Variants in A4GALT observed in about 807,000 individuals in gnomAD.
A4GALT encodes the protein alpha 1,4-galactosyltransferase (P1PK blood group), also known as lactosylceramide 4-alpha-galactosyltransferase.
For missense variants in A4GALT, 512 were observed against 486.0 expected (o/e 1.05, Z -0.50); for synonymous variants, 257 against 220.7 (o/e 1.16, Z -1.46).
At chr22:42,712,025 T>G (rs974185478) in intron 1 of A4GALT, among the ~76,000 whole-genome samples, 4 of 152,208 alleles carry the variant, frequency 2.6e-5, no homozygotes, top group African/African-American at 9.6e-5. Flanking sequence ...CTTTGCAAAC[T>G]ATAAACTCTA....
At chr22:42,712,978 G>A (rs921164431) in intron 1 of A4GALT, among the ~76,000 whole-genome samples, 2 of 152,176 alleles carry the variant, frequency 1.3e-5, no homozygotes, top group African/African-American at 4.8e-5. Flanking sequence ...CACCTACTGC[G>A]TGTTCTTGTC....
chr22:42,712,661 C>T (rs1921798071), intron 1 of A4GALT, among the ~76,000 whole-genome samples: 1 of 151,958 alleles, frequency 6.6e-6, no homozygotes, highest in Non-Finnish European at 1.5e-5. Context: ...GTAATCCCAG[C>T]ACTTTGAGAG....
At chr22:42,704,312 C>T (rs1185944546) in intron 1 of A4GALT, among the ~76,000 whole-genome samples, 2 of 151,892 alleles carry the variant, frequency 1.3e-5, no homozygotes, top group Admixed American at 1.3e-4. Context: ...GAAACCCCAT[C>T]TCTACTAAAA....
intron 1 of A4GALT, among the ~76,000 whole-genome samples, chr22:42,712,832 C>T (rs1175502668): frequency 1.3e-5 from 2 of 152,130 alleles, no homozygotes; most frequent in East Asian, 3.9e-4. Context: ...TTGCTTGAAC[C>T]CAGGAGGCAG....
chr22:42,709,067 A>ATATATATATTTTTTTTTT (rs1180529043), intron 1 of A4GALT, among the ~76,000 whole-genome samples: 30 of 128,834 alleles, frequency 2.3e-4, no homozygotes, highest in South Asian at 5.2e-4. Context: ...ATATATATAT[A>ATATATATATTTTTTTTTT]TTTTTTTTAA....
At chr22:42,708,348 A>AGC (rs1289275868) in intron 1 of A4GALT, among the ~76,000 whole-genome samples, 1 of 152,048 alleles carries the variant, frequency 6.6e-6, no homozygotes, top group East Asian at 1.9e-4. Flanking sequence ...ATTGCATTCT[A>AGC]GCCTGGGCAA....
At position 42,709,067 on chromosome 22, in the gene A4GALT, A is replaced by ATATATATATATATATATATTTTTTTT. The variant is rs1180529043; in HGVS notation, c.-188+11729_-188+11730insAAAAAAAATATATATATATATATATA. On this transcript the variant is annotated intron_variant, in intron 1 of 2. Transcript: ENST00000642412. Reference sequence around the variant, plus strand: ...AATTTAAATATATATATATATATATATTTTTTTTAAGACAGGGTCTGCTGT... The same window carrying ATATATATATATATATATATTTTTTTT: ...AATTTAAATATATATATATATATATATATATATATATATATATATTTTTTTTTTTTTTTTAAGACAGGGTCTGCTGT... Among the ~76,000 whole-genome samples the ATATATATATATATATATATTTTTTTT allele has an allele frequency of 2.3e-5, 3 of 128,834 alleles. No individual in the cohort carries two copies. In the South Asian group the frequency reaches 7.8e-4, roughly 33 times the overall value. 84.5% of individuals were successfully genotyped at this position (128,834 alleles called of 152,430 possible).
In A4GALT at chr22:42,693,532, C is replaced by T; in HGVS notation, c.420G>A (p.Gln140=). The part of the protein sequence containing the change: ...ISLLSCFPNV[Q]MLPLDLRELF... ...GCTCCCGCAGGTCCAGCGGGAGCAT[C>T]TGGACATTCGGGAAGCAGCTCAGAA... The change falls in exon 3 of 3, where the codon CAG becomes CAA. Residue 140 remains glutamine, a synonymous_variant. Transcript: ENST00000642412. 1 of 1,613,404 alleles carries T rather than the reference C, an allele frequency of 6.2e-7. No individual in the cohort carries two copies. Among genetic ancestry groups the T allele is most frequent in the Non-Finnish European group, 8.5e-7 (1 of 1,180,008 alleles).
chr22:42,698,127 A>G (rs1931062527), intron 1 of A4GALT, among the ~76,000 whole-genome samples: 1 of 152,160 alleles, frequency 6.6e-6, no homozygotes, highest in South Asian at 2.1e-4. Flanking sequence ...GCACGCCTGT[A>G]GTCTCAGCTA....
rs187016631 is a variant in A4GALT at position 42,712,770 on chromosome 22, G to A, written c.-188+8027C>T. ...CTAAAAATACAAAAATTGGCTGGGC[G>A]TGGTGGCGGAAGCCTGTAATCCCAG... On this transcript the variant is annotated intron_variant, in intron 1 of 2. Coordinates refer to ENST00000642412, the MANE Select transcript of A4GALT (RefSeq NM_017436.7). Among the ~76,000 whole-genome samples, 297 of 152,288 alleles carry A rather than the reference G, an allele frequency of 2.0e-3. 1 individual carries two copies. Among genetic ancestry groups the A allele is most frequent in the African/African-American group, 6.8e-3 (284 of 41,554 alleles).
intron 1 of A4GALT, among the ~76,000 whole-genome samples, chr22:42,714,274 C>CAAAAAAAAAAAAAA (rs1163088658): frequency 1.2e-4 from 2 of 16,162 alleles, no homozygotes; most frequent in African/African-American, 1.7e-4. Flanking sequence ...GACTCTGTCT[C>CAAAAAAAAAAAAAA]AAAAAAAAAA....
At chr22:42,702,894 C>A (rs938019549) in intron 1 of A4GALT, among the ~76,000 whole-genome samples, 1 of 140,058 alleles carries the variant, frequency 7.1e-6, no homozygotes, top group Admixed American at 6.7e-5. Flanking sequence ...GTGAGGGATG[C>A]GGGGATTACT....
chr22:42,700,165 A>T (rs1217915099), intron 1 of A4GALT, among the ~76,000 whole-genome samples: 1 of 152,194 alleles, frequency 6.6e-6, no homozygotes, highest in African/African-American at 2.4e-5. Context: ...CGCCCAGCGC[A>T]GCCCTCGTCC....
chr22:42,709,252 G>A (rs5758885), intron 1 of A4GALT, among the ~76,000 whole-genome samples: 142,108 of 148,580 alleles, frequency 0.96, 68,102 homozygotes, highest in East Asian at 1. Context: ...GGGTTTCACC[G>A]TGTTACCCAG....
intron 1 of A4GALT, among the ~76,000 whole-genome samples, chr22:42,700,823 A>G (rs892764505): frequency 2.0e-5 from 3 of 152,252 alleles, no homozygotes; most frequent in African/African-American, 7.2e-5. Context: ...GGCCACGGCC[A>G]TCGCATTATA....
rs560634383 is a variant in A4GALT, at chr22:42,714,563, C to CA, written c.-188+6233dup. On this transcript the variant is annotated intron_variant, in intron 1 of 2. Coordinates refer to ENST00000642412, the MANE Select transcript of A4GALT (RefSeq NM_017436.7). ...TGGGCAACAGAGCAAGGTCCTGTCT[C>CA]AAAAAAAAAAAAGATCAACCTAGCC... 5.7e-3 allele frequency among the ~76,000 whole-genome samples: 783 copies of CA among 138,564 alleles called. 4 individuals carry two copies. The highest frequency in any genetic ancestry group is 0.027 in the South Asian group (117 of 4,394). 90.9% of individuals were successfully genotyped at this position (138,564 alleles called of 152,430 possible).
Position 42,693,459 on chromosome 22 carries a change from G to C in A4GALT, c.493C>G (p.Arg165Gly). 1 of 1,613,150 alleles carries C rather than the reference G, an allele frequency of 6.2e-7. No individual in the cohort carries two copies. Among genetic ancestry groups the C allele is most frequent in the Non-Finnish European group, 8.5e-7 (1 of 1,179,970 alleles). The stretch of plus-strand genomic sequence containing the variant: ...ACGGGCAGCAGGTAGGGCTCCCAGC[G>C]CCCCTGCACGGCCGCGTACCAGTCG... ...LADWYAAVQG[R>G]WEPYLLPVLS... is the part of the protein sequence containing the mutation. Residue 165 changes from arginine (R) to glycine (G), a missense_variant, in exon 3 of 3, where the codon CGC becomes GGC. Physicochemically the swap from Arg to Gly is moderately radical, Grantham distance 125. Transcript: ENST00000642412.
chr22:42,714,853 G>A (rs1050927119), intron 1 of A4GALT, among the ~76,000 whole-genome samples: 2 of 152,128 alleles, frequency 1.3e-5, no homozygotes, highest in Non-Finnish European at 2.9e-5. Flanking sequence ...TGCGGGGCAG[G>A]GGCTACTACA....
chr22:42,697,447 G>A (rs548956982), intron 1 of A4GALT, among the ~76,000 whole-genome samples: 9 of 152,240 alleles, frequency 5.9e-5, no homozygotes, highest in South Asian at 4.1e-4. Flanking sequence ...TGAACCACGC[G>A]GACGGGTGGA....
Sources: gnomAD v4.1 joint callset for allele counts (sites outside exome capture counted in the v4.1 genomes callset) on GRCh38, gnomAD v4.1.1 for gene constraint, MANE v1.5 for transcripts, NCBI Gene and HGNC (gene_info 2026-07-23, HGNC 2026-07-21) for gene names.